DNM3: variants seen among roughly 807,000 people sequenced by gnomAD.
DNM3 encodes dynamin 3.
DNM3 carries 47 observed loss-of-function variants against 101.6 expected under a neutral mutation model. That is an observed-to-expected ratio of 0.46 (90% CI 0.37 to 0.59). DNM3 has a LOEUF of 0.59. Ranked by LOEUF, DNM3 falls within the 20% of genes least tolerant of loss-of-function variation. The pLI, the probability that DNM3 is intolerant of heterozygous loss-of-function variation, is 0.00. For missense variants in DNM3, 849 were observed against 1,085.7 expected, an observed-to-expected ratio of 0.78 and a Z score of 3.06; for synonymous variants, 385 against 387.9, an observed-to-expected ratio of 0.99 and a Z score of 0.09.
At chr1:172,079,254 C>T (rs1002148737) in intron 11 of DNM3, among the ~76,000 whole-genome samples, 1 of 152,170 alleles carries the variant, frequency 6.6e-6, no homozygotes, top group East Asian at 1.9e-4. Context: ...TTCAGGTACA[C>T]CAATCAAACA....
chr1:172,009,230 G>C (rs1449916532), intron 4 of DNM3, among the ~76,000 whole-genome samples: 3 of 145,292 alleles, frequency 2.1e-5, no homozygotes, highest in African/African-American at 7.6e-5. Flanking sequence ...TTGTTTCATT[G>C]GTGTCTGTGT....
chr1:172,305,788 A>G (rs535101756), intron 15 of DNM3, among the ~76,000 whole-genome samples: 13 of 152,348 alleles, frequency 8.5e-5, no homozygotes, highest in Admixed American at 2.0e-4. Flanking sequence ...AAACCACATG[A>G]TTATCTCAAT....
At chr1:172,028,856 C>T (rs2048393571) in intron 4 of DNM3, among the ~76,000 whole-genome samples, 1 of 151,990 alleles carries the variant, frequency 6.6e-6, no homozygotes, top group African/African-American at 2.4e-5. Flanking sequence ...AAAACTAAAC[C>T]AGGAAGAAGT....
chr1:172,292,751 G>T (rs1379866950), intron 15 of DNM3, among the ~76,000 whole-genome samples: 1 of 152,060 alleles, frequency 6.6e-6, no homozygotes, highest in Non-Finnish European at 1.5e-5. Flanking sequence ...TCAAGTCATG[G>T]TTTCATAAAT....
intron 1 of DNM3, among the ~76,000 whole-genome samples, chr1:171,870,750 A>G (rs550354981): frequency 6.6e-6 from 1 of 152,218 alleles, no homozygotes; most frequent in Non-Finnish European, 1.5e-5. Context: ...GAAAAATAAA[A>G]TAAAATGCGA....
intron 14 of DNM3, among the ~76,000 whole-genome samples, chr1:172,220,875 C>T (rs930614751): frequency 6.6e-6 from 1 of 152,040 alleles, no homozygotes; most frequent in African/African-American, 2.4e-5. Context: ...AAAGAATAGG[C>T]ACATTAAAGT....
At position 172,315,000 on chromosome 1, in the gene DNM3, C is replaced by A. The variant is rs578039691; in HGVS notation, c.1881+6161C>A. Among the ~76,000 whole-genome samples the A allele has an allele frequency of 4.8e-3, 732 of 152,288 alleles. 4 individuals are homozygous for A. The highest frequency in any genetic ancestry group is 0.017 in the African/African-American group (692 of 41,564). On this transcript the variant is annotated intron_variant, in intron 16 of 20. Coordinates refer to ENST00000627582, the MANE Select transcript of DNM3 (RefSeq NM_015569.5). ...ACTGGGAGGCACCCCCCAGTAGGGG[C>A]AGACTGACACCTCACACGGCCGGGT...
intron 13 of DNM3, among the ~76,000 whole-genome samples, chr1:172,110,396 A>C (rs1374681584): frequency 6.6e-6 from 1 of 152,186 alleles, no homozygotes; most frequent in Non-Finnish European, 1.5e-5. Context: ...CAATTTGACT[A>C]TATGCTCAGT....
chr1:171,973,008 C>T (rs922180883), intron 2 of DNM3, among the ~76,000 whole-genome samples: 3 of 152,188 alleles, frequency 2.0e-5, no homozygotes, highest in East Asian at 1.9e-4. Flanking sequence ...GGAAAGTTTC[C>T]GTGGCTTTTC....
intron 16 of DNM3, among the ~76,000 whole-genome samples, chr1:172,314,477 T>A (rs2065225951): frequency 6.6e-6 from 1 of 152,000 alleles, no homozygotes. Context: ...GAGTTCCCTT[T>A]CCTGGTCAAG....
chr1:172,363,941 T>C (rs546815960), intron 17 of DNM3, among the ~76,000 whole-genome samples: 1 of 152,102 alleles, frequency 6.6e-6, no homozygotes, highest in African/African-American at 2.4e-5. Context: ...ACTCACTTTC[T>C]TTCCATAGCC....
intron 14 of DNM3, among the ~76,000 whole-genome samples, chr1:172,194,999 C>T (rs902631500): frequency 6.6e-6 from 1 of 151,926 alleles, no homozygotes. Flanking sequence ...GTGGCTGGTA[C>T]CAGTTGTTCC....
intron 17 of DNM3, among the ~76,000 whole-genome samples, chr1:172,368,192 G>A (rs2068128431): frequency 6.6e-6 from 1 of 151,836 alleles, no homozygotes; most frequent in African/African-American, 2.4e-5. Flanking sequence ...ATTAGCACAT[G>A]GAACATGCCC....
At chr1:171,914,613 A>G (rs2039568438) in intron 1 of DNM3, among the ~76,000 whole-genome samples, 1 of 152,128 alleles carries the variant, frequency 6.6e-6, no homozygotes, top group African/African-American at 2.4e-5. Context: ...TGGTGAATAT[A>G]TTTGGGTCTT....
chr1:172,321,774 T>A (rs1475027159), intron 16 of DNM3, among the ~76,000 whole-genome samples: 1 of 152,174 alleles, frequency 6.6e-6, no homozygotes, highest in Non-Finnish European at 1.5e-5. Context: ...TGGAATGCAA[T>A]AAACTCCATC....
chr1:172,043,695 A>G (rs2049563123), intron 8 of DNM3, among the ~76,000 whole-genome samples: 1 of 152,118 alleles, frequency 6.6e-6, no homozygotes, highest in African/African-American at 2.4e-5. Flanking sequence ...ACCTAGAACA[A>G]TTCGTCATTC....
At chr1:171,955,418 T>A (rs139495118) in intron 2 of DNM3, among the ~76,000 whole-genome samples, 1 of 152,306 alleles carries the variant, frequency 6.6e-6, no homozygotes, top group African/African-American at 2.4e-5. Flanking sequence ...AAGTGCACTG[T>A]GTGTTTCCAG....
At chr1:172,357,204 T>C (rs968633319) in intron 17 of DNM3, among the ~76,000 whole-genome samples, 4 of 152,106 alleles carry the variant, frequency 2.6e-5, no homozygotes, top group African/African-American at 9.7e-5. Context: ...GAATCATCAA[T>C]GGATGTTAAA....
chr1:172,386,819 C>G (rs2069205579), intron 18 of DNM3: 1 of 300,976 alleles, frequency 3.3e-6, no homozygotes, highest in African/African-American at 2.1e-5. Context: ...CAAACAGCTC[C>G]AGACAATATT....
Sources: allele counts gnomAD v4.1 joint callset (sites outside exome capture counted in the v4.1 genomes callset), GRCh38; gene constraint gnomAD v4.1.1; transcripts MANE v1.5; gene names NCBI Gene and HGNC (gene_info 2026-07-23, HGNC 2026-07-21).